The following GLS variants were observed in gnomAD, a reference collection of about 807,000 sequenced individuals.
The protein encoded by GLS is glutaminase kidney isoform, mitochondrial.
Under a neutral mutation model 86.7 loss-of-function variants are expected in GLS, and 36 were observed. The ratio of observed to expected loss-of-function variants is 0.42; its 90% confidence interval spans 0.32 to 0.55. The LOEUF is 0.55. Ranked by LOEUF, GLS falls within the 20% of genes least tolerant of loss-of-function variation. GLS has a pLI of 0.17. For missense variants in GLS, 528 were observed against 833.4 expected, an observed-to-expected ratio of 0.63 and a Z score of 4.51; for synonymous variants, 317 against 305.9, an observed-to-expected ratio of 1.04 and a Z score of -0.38.
intron 12 of GLS, among the ~76,000 whole-genome samples, chr2:190,929,998 T>C (rs921564274): frequency 6.6e-6 from 1 of 151,850 alleles, no homozygotes; most frequent in African/African-American, 2.4e-5. Flanking sequence ...GGCGTGCACT[T>C]TGGGAGGCTG....
chr2:190,891,689 G>A (rs1216200564), intron 1 of GLS, among the ~76,000 whole-genome samples: 2 of 151,966 alleles, frequency 1.3e-5, no homozygotes, highest in Non-Finnish European at 2.9e-5. Context: ...TGCAGAAGTT[G>A]GCCCTGCATT....
intron 17 of GLS, among the ~76,000 whole-genome samples, chr2:190,959,765 C>G (rs569891829): frequency 6.6e-5 from 10 of 152,294 alleles, no homozygotes; most frequent in African/African-American, 2.4e-4. Context: ...TATCAGCATA[C>G]AAACTTGCTC....
chr2:190,921,210 G>GTCA lies in GLS; in HGVS notation c.1130+8_1130+9insCAT. 1 of 1,566,918 alleles carries GTCA rather than the reference G, an allele frequency of 6.4e-7. No homozygotes were observed. On this transcript the variant is annotated splice_region_variant and intron_variant, in intron 9 of 17. Coordinates refer to ENST00000320717, the MANE Select transcript of GLS (RefSeq NM_014905.5). This position sits in a 1 kb window ranked among gnomAD's most constrained non-coding sequence, Gnocchi z 4.2. ...TTGGATTCAGTAATGCAACGTGAGT[G>GTCA]TTTTAAATACTGTTTTGTTACGTAA...
intron 1 of GLS, among the ~76,000 whole-genome samples, chr2:190,893,430 G>C (rs1688628613): frequency 6.6e-6 from 1 of 152,156 alleles, no homozygotes; most frequent in Non-Finnish European, 1.5e-5. Context: ...GAGCTTCTAA[G>C]TATGTACCAG....
Position 190,954,107 on chromosome 2 carries a change from T to C in GLS, c.1713-477T>C, listed in dbSNP as rs980555012. ...GTTGTAACTTATTTTCTTTTTTTTT[T>C]CTCCCATTAATACCTCAAATAACTG... On this transcript the variant is annotated intron_variant, in intron 15 of 17. Transcript: ENST00000320717. This position sits in a 1 kb window ranked among gnomAD's most constrained non-coding sequence, Gnocchi z 4.0. Among the ~76,000 whole-genome samples the C allele has an allele frequency of 6.0e-5, 9 of 151,124 alleles. No individual in the cohort carries two copies. Among genetic ancestry groups the C allele is most frequent in the Admixed American group, 4.7e-4 (7 of 14,962 alleles).
At position 190,881,407 on chromosome 2, in the gene GLS, G is replaced by A. The variant is rs1688169903; in HGVS notation, c.323G>A (p.Gly108Asp). 1 of 1,544,520 alleles carries A rather than the reference G, an allele frequency of 6.5e-7. No homozygotes were observed. The highest frequency in any genetic ancestry group is 8.7e-7 in the Non-Finnish European group (1 of 1,144,898). The change falls in exon 1 of 18, where the codon GGC becomes GAC. Residue 108 changes from glycine to aspartate, a missense_variant. By Grantham distance (94) the Gly-to-Asp change is moderately conservative. Transcript: ENST00000320717. ...CCGGCGGCGCCCGGCCCCAAGGACGGCCCCGGGGAGACGGACGCGTTTGGC... is the reference window on the plus strand; with the variant it reads ...CCGGCGGCGCCCGGCCCCAAGGACGACCCCGGGGAGACGGACGCGTTTGGC... ...AAPAAPGPKD[G>D]PGETDAFGNS...
At chr2:190,929,391 A>G (rs1467510802) in intron 12 of GLS, among the ~76,000 whole-genome samples, 1 of 152,132 alleles carries the variant, frequency 6.6e-6, no homozygotes, top group South Asian at 2.1e-4. Flanking sequence ...TAGCCTCACA[A>G]TTTAGATGTA....
chr2:190,883,486 C>A (rs1384088905), intron 1 of GLS, among the ~76,000 whole-genome samples: 3 of 152,102 alleles, frequency 2.0e-5, no homozygotes, highest in Non-Finnish European at 4.4e-5. Context: ...AAAGAAATAA[C>A]CATGAGAAAA....
At chr2:190,941,927 C>A (rs1365593382) in intron 14 of GLS, among the ~76,000 whole-genome samples, 1 of 152,052 alleles carries the variant, frequency 6.6e-6, no homozygotes, top group Non-Finnish European at 1.5e-5. Context: ...ATTCAAAAAT[C>A]TAAATGTTTA....
chr2:190,928,420 T>C (rs1447382143), intron 12 of GLS, among the ~76,000 whole-genome samples: 2 of 151,252 alleles, frequency 1.3e-5, no homozygotes, highest in Non-Finnish European at 3.0e-5. Flanking sequence ...CTGCAACCTC[T>C]GCCTCCTGAG....
intron 14 of GLS, among the ~76,000 whole-genome samples, chr2:190,945,844 CCT>C (rs1231800815): frequency 6.6e-6 from 1 of 151,994 alleles, no homozygotes; most frequent in Non-Finnish European, 1.5e-5. Flanking sequence ...TTGATTTATT[CCT>C]CTCTATTGAA....
rs1169719130 is a variant in GLS, at chr2:190,880,879, GCAGCAGCA to G, written c.-205_-198del. 1.0e-4 allele frequency: 34 copies of G among 338,640 alleles called. No homozygotes were observed. The African/African-American group carries it at 3.4e-3, about 34-fold the overall frequency. The allele number at this position is 338,640 out of a possible 1,614,324, so 21.0% of individuals were successfully genotyped here. A position where few individuals can be genotyped will look rare whatever the true frequency, so the allele number is the denominator to read the frequency against. On this transcript the variant is annotated 5_prime_UTR_variant, in exon 1 of 18. Coordinates refer to ENST00000320717, the MANE Select transcript of GLS (RefSeq NM_014905.5). ...GTCGCGGCAATCCTAGCGCGCAGCA[GCAGCAGCA>G]GCAGCAGCAGCAGCAGCAGCAGCAG...
chr2:190,921,264 C>T lies in GLS; in HGVS notation c.1130+61C>T. The T allele has an allele frequency of 1.9e-6, 2 of 1,071,060 alleles. No individual in the cohort carries two copies. The highest frequency in any genetic ancestry group is 1.5e-6 in the Non-Finnish European group (1 of 689,358). The allele number at this position is 1,071,060 out of a possible 1,614,324, so 66.3% of individuals were successfully genotyped here. A position where few individuals can be genotyped will look rare whatever the true frequency, so the allele number is the denominator to read the frequency against. ...CACACAACTGTATTTAGAATTGATC[C>T]ACTCTCTTTTCATTGGAGGGAAATG... On this transcript the variant is annotated intron_variant, in intron 9 of 17. Transcript: ENST00000320717. This position sits in a 1 kb window ranked among gnomAD's most constrained non-coding sequence, Gnocchi z 4.2.
chr2:190,924,043 T>G lies in GLS; in HGVS notation c.1197+60T>G. On this transcript the variant is annotated intron_variant, in intron 10 of 17. Transcript: ENST00000320717. The surrounding 1 kb of genome is among the most constrained non-coding windows in gnomAD (Gnocchi z 5.2). ...TTTCATTTAATAAAATACATGAAGA[T>G]GTATGCTAAGAATTCAACAATAGCC... 1.1e-6 allele frequency: 1 copy of G among 880,846 alleles called. No individual in the cohort carries two copies. The highest frequency in any genetic ancestry group is 1.8e-6 in the Non-Finnish European group (1 of 541,024). 54.6% of individuals were successfully genotyped at this position (880,846 alleles called of 1,614,324 possible).
At position 190,905,392 on chromosome 2, in the gene GLS, C is replaced by T. The variant is rs1288405024; in HGVS notation, c.979+225C>T. The T allele has an allele frequency of 2.4e-6, 1 of 415,340 alleles. No individual in the cohort carries two copies. Among genetic ancestry groups the T allele is most frequent in the Non-Finnish European group, 4.3e-6 (1 of 232,022 alleles). 25.7% of individuals were successfully genotyped at this position (415,340 alleles called of 1,614,324 possible). On this transcript the variant is annotated intron_variant, in intron 6 of 17. Coordinates refer to ENST00000320717, the MANE Select transcript of GLS (RefSeq NM_014905.5). The surrounding 1 kb of genome is among the most constrained non-coding windows in gnomAD (Gnocchi z 4.6). ...GAACATGAACTTCTCTCTTCATAAC[C>T]ACCTTTAGGGAAATATAGCGAAATC...
chr2:190,891,666 C>T (rs1436899926), intron 1 of GLS, among the ~76,000 whole-genome samples: 1 of 151,948 alleles, frequency 6.6e-6, no homozygotes, highest in Non-Finnish European at 1.5e-5. Context: ...AAAGACAGTT[C>T]CTCTTTTCAT....
In GLS at chr2:190,947,377, CA is replaced by C. The variant is rs1430183199; in HGVS notation, c.1651-6185del. 2.0e-5 allele frequency among the ~76,000 whole-genome samples: 3 copies of C among 152,052 alleles called. No homozygotes were observed. Among genetic ancestry groups the C allele is most frequent in the Non-Finnish European group, 4.4e-5 (3 of 68,004 alleles). ...GTCCCACTGTTGTCATGACTTTGTA[CA>C]AATAAACTAAGATAAGATTGTCTGG... is the stretch of plus-strand genomic sequence containing the variant. On this transcript the variant is annotated intron_variant, in intron 14 of 17. Transcript: ENST00000320717. The surrounding 1 kb of genome is among the most constrained non-coding windows in gnomAD (Gnocchi z 5.0).
At chr2:190,937,121 G>C (rs1430691681) in intron 14 of GLS, among the ~76,000 whole-genome samples, 1 of 151,160 alleles carries the variant, frequency 6.6e-6, no homozygotes, top group Non-Finnish European at 1.5e-5. Flanking sequence ...TACCTTACTC[G>C]GTCTTTTCTC....
chr2:190,915,078 C>G (rs575393333), intron 7 of GLS, among the ~76,000 whole-genome samples: 4 of 151,622 alleles, frequency 2.6e-5, no homozygotes, highest in African/African-American at 9.7e-5. Context: ...TGCAGTTCTG[C>G]CTCCCAGGTT....
Sources: allele counts gnomAD v4.1 joint callset (sites outside exome capture counted in the v4.1 genomes callset), GRCh38; gene constraint gnomAD v4.1.1; non-coding constraint Gnocchi (gnomAD v3.1); transcripts MANE v1.5; gene names NCBI Gene and HGNC (gene_info 2026-07-23, HGNC 2026-07-21).